BYSL: variants seen among roughly 807,000 people sequenced by gnomAD.
BYSL encodes the protein bystin.
BYSL carries 21 observed loss-of-function variants against 45.4 expected under a neutral mutation model. The ratio of observed to expected loss-of-function variants is 0.46; its 90% CI spans 0.33 to 0.67. The LOEUF is 0.67. Among genes scored for constraint, BYSL ranks in the 30% least tolerant of loss-of-function variants. BYSL has a pLI of 0.02. For missense variants in BYSL, 522 were observed against 578.5 expected, an observed-to-expected ratio of 0.90 and a Z score of 1.00; for synonymous variants, 215 against 231.3, an observed-to-expected ratio of 0.93 and a Z score of 0.64.
upstream of BYSL, among the ~76,000 whole-genome samples, chr6:41,919,009 G>A (rs1326139946): frequency 1.3e-5 from 2 of 148,280 alleles, no homozygotes; most frequent in African/African-American, 2.5e-5. Flanking sequence ...GGCGCCTGTA[G>A]TCCCAGCTAC....
Position 41,932,357 on chromosome 6 carries a change from C to CT in BYSL, c.969-3dup. On this transcript the variant is annotated splice_polypyrimidine_tract_variant and splice_region_variant and intron_variant, in intron 6 of 6. Transcript: ENST00000230340. The surrounding 1 kb of genome is among the most constrained non-coding windows in gnomAD (Gnocchi z 4.7). Reference sequence around the variant, plus strand: ...TACTCTACCCCACCTCCCTTTCCCACTAGTGCGGCCATGCTGAAAATTGCT... The same window carrying CT: ...TACTCTACCCCACCTCCCTTTCCCACTTAGTGCGGCCATGCTGAAAATTGCT... The CT allele has an allele frequency of 6.2e-7, 1 of 1,605,986 alleles. No individual in the cohort carries two copies. The highest frequency in any genetic ancestry group is 8.5e-7 in the Non-Finnish European group (1 of 1,178,012).
At chr6:41,930,972 T>C (rs976349635) in intron 4 of BYSL, among the ~76,000 whole-genome samples, 4 of 151,990 alleles carry the variant, frequency 2.6e-5, no homozygotes, top group African/African-American at 9.6e-5. Context: ...GAACCCTCCG[T>C]GATGAATTTC....
At chr6:41,925,387 G>A (rs1244607707) in intron 1 of BYSL, among the ~76,000 whole-genome samples, 3 of 149,420 alleles carry the variant, frequency 2.0e-5, no homozygotes, top group Non-Finnish European at 4.4e-5. Flanking sequence ...TTTTTAAGAC[G>A]GAGTCTCGCT....
chr6:41,930,728 C>T lies in BYSL; in HGVS notation c.664C>T (p.Pro222Ser), dbSNP rs368831348. 1.2e-6 allele frequency: 2 copies of T among 1,614,056 alleles called. No homozygotes were observed. Residue 222 changes from proline to serine, a missense_variant, in exon 4 of 7, where the codon CCG becomes TCG. Pro to Ser is a moderately conservative substitution (Grantham distance 74). Coordinates refer to ENST00000230340, the MANE Select transcript of BYSL (RefSeq NM_004053.4). ...NWEQILYVTE[P>S]EAWTAAAMYQ... Reference sequence around the variant, plus strand: ...GGAGCAAATCCTCTACGTCACAGAGCCGGAGGCCTGGACTGCAGCTGCCAT... The same window carrying T: ...GGAGCAAATCCTCTACGTCACAGAGTCGGAGGCCTGGACTGCAGCTGCCAT...
intron 1 of BYSL, 34 bp from the exon 2 acceptor site, chr6:41,927,340 G>A: frequency 6.2e-7 from 1 of 1,610,048 alleles, no homozygotes. Flanking sequence ...GCTACCTTTT[G>A]CTGTGCTCAT....
At chr6:41,913,356 G>A in the BYSL span, among the ~76,000 whole-genome samples, 8 of 152,170 alleles carry the variant, frequency 5.3e-5, no homozygotes, top group South Asian at 2.1e-4. Flanking sequence ...CCATGAAGGC[G>A]TGCTGTCTCC....
intron 1 of BYSL, among the ~76,000 whole-genome samples, chr6:41,923,730 C>G (rs529339689): frequency 1.2e-4 from 19 of 152,300 alleles, no homozygotes; most frequent in Middle Eastern, 3.4e-3. Context: ...CTACTGCACC[C>G]TGCCGTGTCT....
At chr6:41,916,815 G>A (rs771489139), upstream of BYSL, 8 of 1,614,014 alleles carry the variant, frequency 5.0e-6, no homozygotes, top group East Asian at 1.6e-4. Flanking sequence ...GCGGCCGTAT[G>A]GTAAGTCTCA....
chr6:41,919,575 T>A (rs957604587), upstream of BYSL, among the ~76,000 whole-genome samples: 1 of 152,172 alleles, frequency 6.6e-6, no homozygotes, highest in Non-Finnish European at 1.5e-5. Context: ...CCTAGGATTC[T>A]GAAAACGTTG....
the BYSL span, among the ~76,000 whole-genome samples, chr6:41,912,159 C>G: frequency 6.8e-6 from 1 of 147,906 alleles, no homozygotes; most frequent in Non-Finnish European, 1.5e-5. Flanking sequence ...AGCAATCCTT[C>G]TGCCTCAGTG....
At chr6:41,909,369 C>T in the BYSL span, 1 of 1,614,174 alleles carries the variant, frequency 6.2e-7, no homozygotes, top group South Asian at 1.1e-5. Context: ...CTCAATCTTG[C>T]TGGCCTTAGC....
intron 1 of BYSL, among the ~76,000 whole-genome samples, chr6:41,924,383 CTT>C: frequency 6.6e-6 from 1 of 152,284 alleles, no homozygotes; most frequent in Non-Finnish European, 1.5e-5. Flanking sequence ...TAGTACTTAT[CTT>C]TTAACCCAAT....
the BYSL span, among the ~76,000 whole-genome samples, chr6:41,914,021 G>A: frequency 1.3e-5 from 2 of 152,312 alleles, no homozygotes; most frequent in African/African-American, 4.8e-5. Context: ...ACTGTACTGG[G>A]AAGAGTCCAA....
upstream of BYSL, chr6:41,921,439 G>A (rs1775464335): frequency 1.5e-6 from 2 of 1,371,768 alleles, no homozygotes; most frequent in Admixed American, 2.9e-5. Context: ...TCTGGCCTCC[G>A]AATGCTAGGG....
chr6:41,915,972 A>G, the BYSL span, among the ~76,000 whole-genome samples: 1 of 152,170 alleles, frequency 6.6e-6, no homozygotes, highest in Admixed American at 6.5e-5. Context: ...TTTAGCCAGG[A>G]GTGGTGGCTC....
intron 1 of BYSL, 128 bp from the exon 2 acceptor site, chr6:41,927,246 T>C: frequency 8.8e-7 from 1 of 1,140,664 alleles, no homozygotes; most frequent in South Asian, 1.6e-5. Flanking sequence ...TGCATTTGTT[T>C]CACTGCACAT....
At chr6:41,913,271 C>G in the BYSL span, among the ~76,000 whole-genome samples, 1 of 152,130 alleles carries the variant, frequency 6.6e-6, no homozygotes, top group Non-Finnish European at 1.5e-5. Flanking sequence ...TCTAAAGGCA[C>G]AGAGCCAGTA....
upstream of BYSL, chr6:41,917,824 A>G (rs1409864881): frequency 2.1e-6 from 1 of 469,116 alleles, no homozygotes; most frequent in Non-Finnish European, 4.4e-6. Flanking sequence ...TGTTCAGCAC[A>G]GTAGCCCAGA....
chr6:41,926,836 C>T (rs1381315924), intron 1 of BYSL, among the ~76,000 whole-genome samples: 2 of 151,122 alleles, frequency 1.3e-5, no homozygotes, highest in African/African-American at 4.9e-5. Flanking sequence ...GGCTCACGCC[C>T]TGTAATCCCA....
Sources: allele counts gnomAD v4.1 joint callset (sites outside exome capture counted in the v4.1 genomes callset), GRCh38; gene constraint gnomAD v4.1.1; non-coding constraint Gnocchi (gnomAD v3.1); transcripts MANE v1.5; gene names NCBI Gene and HGNC (gene_info 2026-07-23, HGNC 2026-07-21).